The following CNGA3 variants were observed in gnomAD, a reference collection of about 807,000 sequenced individuals.
The protein encoded by CNGA3 is cyclic nucleotide gated channel subunit alpha 3.
Under a neutral mutation model 46.6 loss-of-function variants are expected in CNGA3, and 42 were observed. The ratio of observed to expected loss-of-function variants is 0.90; its 90% CI spans 0.70 to 1.17. CNGA3 has a LOEUF of 1.17. CNGA3 is among the 50% of genes most tolerant of loss of function. CNGA3 has a pLI of 0.00. For missense variants in CNGA3, 893 were observed against 890.7 expected (o/e 1.00, Z -0.03); for synonymous variants, 394 against 369.4 (o/e 1.07, Z -0.76).
Position 98,347,669 on chromosome 2 carries a change from C to T in CNGA3, c.-38+1135C>T, listed in dbSNP as rs528721368. 2.7e-3 allele frequency among the ~76,000 whole-genome samples: 412 copies of T among 152,304 alleles called. 6 individuals are homozygous for T. The highest frequency in any genetic ancestry group is 4.5e-3 in the Admixed American group (69 of 15,308). On this transcript the variant is annotated intron_variant, in intron 1 of 7. Coordinates refer to ENST00000272602, the MANE Select transcript of CNGA3 (RefSeq NM_001298.3). ...CGCAGTCCGCCGGCTCAGGCCTCGC[C>T]GGAAGCTGGCGGGAGCAGTCCCTTG...
Position 98,369,949 on chromosome 2 carries a change from G to A in CNGA3, c.-27G>A, listed in dbSNP as rs746441908. ...GTGTTCACATTTTAGCAATCATCTGGGGGGCTAAATGTGACAAACCGAGAA... is the reference window on the plus strand; with the variant it reads ...GTGTTCACATTTTAGCAATCATCTGAGGGGCTAAATGTGACAAACCGAGAA... On this transcript the variant is annotated 5_prime_UTR_variant, in exon 2 of 8. Coordinates refer to ENST00000272602, the MANE Select transcript of CNGA3 (RefSeq NM_001298.3). 6.4e-6 allele frequency: 10 copies of A among 1,573,612 alleles called. No individual in the cohort carries two copies. The Admixed American group carries it at 1.5e-4, about 24-fold the overall frequency.
intron 1 of CNGA3, among the ~76,000 whole-genome samples, chr2:98,364,800 G>C (rs767662685): frequency 2.6e-4 from 39 of 152,174 alleles, no homozygotes; most frequent in Non-Finnish European, 4.8e-4. Flanking sequence ...GCTCCTGCAA[G>C]TCCTGGTGCT....
At chr2:98,392,426 G>A (rs1692811164) in intron 7 of CNGA3, among the ~76,000 whole-genome samples, 1 of 152,148 alleles carries the variant, frequency 6.6e-6, no homozygotes, top group South Asian at 2.1e-4. Context: ...TGGGCCCACT[G>A]GCATGTGCCT....
At chr2:98,363,936 T>G (rs540973456) in intron 1 of CNGA3, among the ~76,000 whole-genome samples, 5 of 152,356 alleles carry the variant, frequency 3.3e-5, no homozygotes, top group African/African-American at 1.2e-4. Context: ...TGCATCTCTT[T>G]GTAGGTCTCC....
At chr2:98,395,343 T>C (rs565611102) in intron 7 of CNGA3, among the ~76,000 whole-genome samples, 2 of 152,230 alleles carry the variant, frequency 1.3e-5, no homozygotes, top group Admixed American at 1.3e-4. Context: ...CTAATTTTTG[T>C]ATTTTTAGTA....
intron 6 of CNGA3, among the ~76,000 whole-genome samples, chr2:98,390,778 C>T (rs1215555296): frequency 6.6e-6 from 1 of 152,134 alleles, no homozygotes; most frequent in Non-Finnish European, 1.5e-5. Flanking sequence ...TCCCAGCAGG[C>T]CTGCTCCAGG....
chr2:98,383,243 C>A, intron 4 of CNGA3, 145 bp from the exon 5 acceptor site: 3 of 786,718 alleles, frequency 3.8e-6, no homozygotes, highest in Non-Finnish European at 6.6e-6. Flanking sequence ...GACAATACCA[C>A]CCCGTATTCT....
At chr2:98,360,925 TA>T (rs1692016584) in intron 1 of CNGA3, among the ~76,000 whole-genome samples, 2 of 152,192 alleles carry the variant, frequency 1.3e-5, no homozygotes, top group Non-Finnish European at 2.9e-5. Flanking sequence ...TTGACTGGAA[TA>T]AAATCAGATT....
At chr2:98,379,901 A>G in intron 3 of CNGA3, 1 of 536,466 alleles carries the variant, frequency 1.9e-6, no homozygotes, top group Non-Finnish European at 3.4e-6. Context: ...TGCTGCAAGG[A>G]CAAATGGTAA....
intron 1 of CNGA3, among the ~76,000 whole-genome samples, chr2:98,360,054 G>A (rs1435672985): frequency 6.6e-6 from 1 of 152,234 alleles, no homozygotes; most frequent in Admixed American, 6.5e-5. Context: ...TCCTGCCCAG[G>A]CCTAAAGGCA....
chr2:98,355,796 TA>T (rs1210927041), intron 1 of CNGA3: 13 of 152,236 alleles, frequency 8.5e-5, no homozygotes, highest in African/African-American at 2.9e-4. Context: ...ATGAAAAAAT[TA>T]AAGTGCTGGT....
chr2:98,374,052 T>G (rs530636484), intron 2 of CNGA3, among the ~76,000 whole-genome samples: 2 of 152,316 alleles, frequency 1.3e-5, no homozygotes, highest in South Asian at 2.1e-4. Context: ...AAGAGGAAAT[T>G]AAAGTGTCGT....
chr2:98,383,294 AT>A (rs1309260771), intron 4 of CNGA3, 93 bp from the exon 5 acceptor site: 21 of 1,196,742 alleles, frequency 1.8e-5, no homozygotes. Flanking sequence ...TGGGATAGGG[AT>A]TGGGGGGTGG....
chr2:98,381,495 T>C (rs1204694957), intron 4 of CNGA3, among the ~76,000 whole-genome samples: 1 of 152,202 alleles, frequency 6.6e-6, no homozygotes, highest in African/African-American at 2.4e-5. Flanking sequence ...TTCGGGAACG[T>C]CCATTTTCAT....
rs1282613813 is a variant in CNGA3 at position 98,396,815 on chromosome 2, G to T, written c.1645G>T (p.Glu549Ter). Reference protein sequence around the residue: ...VVLSDGSYFGEISILNIKGSK... With the variant: ...VVLSDGSYFG The stretch of plus-strand genomic sequence containing the variant: ...CCTCAGCGATGGCAGCTACTTCGGG[G>T]AGATCAGCATTCTGAACATCAAGGG... Residue 549 changes from glutamate (E) to a stop codon, truncating the protein, a stop_gained, in exon 8 of 8, where the codon GAG (glutamate) becomes TAG (stop). Transcript: ENST00000272602. LOFTEE classifies it high-confidence loss of function. 6.2e-7 allele frequency: 1 copy of T among 1,614,220 alleles called. No homozygotes were observed. The highest frequency in any genetic ancestry group is 8.5e-7 in the Non-Finnish European group (1 of 1,180,048).
intron 5 of CNGA3, among the ~76,000 whole-genome samples, chr2:98,386,483 C>T (rs1416144325): frequency 6.6e-6 from 1 of 152,214 alleles, no homozygotes; most frequent in Non-Finnish European, 1.5e-5. Context: ...TGCGTGCCGC[C>T]ACGTAAGATG....
chr2:98,352,937 C>T (rs1038197643), intron 1 of CNGA3, among the ~76,000 whole-genome samples: 1 of 152,178 alleles, frequency 6.6e-6, no homozygotes, highest in African/African-American at 2.4e-5. Context: ...GATTGGGGTG[C>T]TGATCCCCTA....
At chr2:98,389,878 C>T in intron 6 of CNGA3, 104 bp downstream of exon 6, 2 of 801,956 alleles carry the variant, frequency 2.5e-6, no homozygotes, top group Non-Finnish European at 4.1e-6. Context: ...GGCCTGGACC[C>T]CTCACGGCCA....
Position 98,397,107 on chromosome 2 carries a change from GC to G in CNGA3, c.1939del (p.Leu647SerfsTer10). On this transcript the variant is annotated frameshift_variant, in exon 8 of 8. Coordinates refer to ENST00000272602, the MANE Select transcript of CNGA3 (RefSeq NM_001298.3). LOFTEE classifies it low-confidence loss of function (END_TRUNC). ...GACACCCTGCAGACCAGGTTTGCACGCCTCCTGGCTGAGTACAACGCCACCC... is the reference window on the plus strand; with the variant it reads ...GACACCCTGCAGACCAGGTTTGCACGCTCCTGGCTGAGTACAACGCCACCC... The part of the protein sequence containing the change: ...SLDTLQTRFA[R>X]LLAEYNATQM... 6.2e-7 allele frequency: 1 copy of G among 1,614,172 alleles called. No homozygotes were observed. Among genetic ancestry groups the G allele is most frequent in the Non-Finnish European group, 8.5e-7 (1 of 1,180,020 alleles).
Sources: allele counts gnomAD v4.1 joint callset (sites outside exome capture counted in the v4.1 genomes callset), GRCh38; gene constraint gnomAD v4.1.1; transcripts MANE v1.5; gene names NCBI Gene and HGNC (gene_info 2026-07-23, HGNC 2026-07-21).